The following SND1 variants were observed in gnomAD, a reference collection of about 807,000 sequenced individuals.
SND1 encodes staphylococcal nuclease and tudor domain containing 1.
A neutral mutation model predicts 121.7 loss-of-function variants in SND1; 38 were observed. The ratio of observed to expected loss-of-function variants is 0.31; its 90% CI spans 0.24 to 0.41. The LOEUF is 0.41. SND1 is among the 10% of genes least tolerant of loss of function. The probability of loss-of-function intolerance (pLI) is 1.00; values close to 1 mark genes in which losing one functional copy is unlikely to be tolerated. For missense variants in SND1, 868 were observed against 1,184.6 expected, an observed-to-expected ratio of 0.73 and a Z score of 3.92; for synonymous variants, 401 against 447.4, an observed-to-expected ratio of 0.90 and a Z score of 1.31.
chr7:127,934,697 C>T (rs982765732), intron 15 of SND1, among the ~76,000 whole-genome samples: 4 of 152,026 alleles, frequency 2.6e-5, no homozygotes, highest in African/African-American at 9.7e-5. Flanking sequence ...CAATTAAGAG[C>T]AACACAAAAG....
Position 127,985,446 on chromosome 7 carries a change from C to T in SND1, c.1670-5501C>T, listed in dbSNP as rs193261844. On this transcript the variant is annotated intron_variant, in intron 15 of 23. Transcript: ENST00000354725. ...CCAATTTTTGTATTTTTAGTAGAGGCGGGGTTTCACCATCTTGGCCAGGCT... is the reference window on the plus strand; with the variant it reads ...CCAATTTTTGTATTTTTAGTAGAGGTGGGGTTTCACCATCTTGGCCAGGCT... Among the ~76,000 whole-genome samples, 716 of 152,206 alleles carry T rather than the reference C, an allele frequency of 4.7e-3. 7 individuals are homozygous for T. The highest frequency in any genetic ancestry group is 0.016 in the African/African-American group (669 of 41,554).
At chr7:127,918,931 C>A (rs1800643104) in intron 14 of SND1, among the ~76,000 whole-genome samples, 1 of 152,094 alleles carries the variant, frequency 6.6e-6, no homozygotes, top group East Asian at 1.9e-4. Flanking sequence ...AAAATATTGA[C>A]CACTTTCTGT....
intron 11 of SND1, among the ~76,000 whole-genome samples, chr7:127,826,776 G>C (rs555926902): frequency 6.6e-6 from 1 of 151,896 alleles, no homozygotes; most frequent in East Asian, 1.9e-4. Context: ...AATTTTTGAC[G>C]TGCTTTTATA....
intron 16 of SND1, among the ~76,000 whole-genome samples, chr7:128,053,825 G>A (rs1164110767): frequency 6.6e-6 from 1 of 152,180 alleles, no homozygotes; most frequent in African/African-American, 2.4e-5. Flanking sequence ...GCCAGAATCA[G>A]CCTCCTGCTT....
At chr7:128,026,450 T>C (rs540290491) in intron 16 of SND1, among the ~76,000 whole-genome samples, 21 of 151,988 alleles carry the variant, frequency 1.4e-4, no homozygotes, top group Non-Finnish European at 2.5e-4. Context: ...TGCCAAAGAG[T>C]TCACACCCAC....
At chr7:127,662,049 G>A (rs56101548) in intron 1 of SND1, among the ~76,000 whole-genome samples, 2,261 of 152,160 alleles carry the variant, frequency 0.015, 30 homozygotes, top group South Asian at 0.048. Context: ...CTGGGAGGTG[G>A]AGGTTGCAGT....
chr7:127,903,274 T>G (rs1800272698), intron 13 of SND1, among the ~76,000 whole-genome samples: 1 of 152,096 alleles, frequency 6.6e-6, no homozygotes, highest in Non-Finnish European at 1.5e-5. Flanking sequence ...TCTGCCCGCC[T>G]TGGCTTCCCA....
intron 11 of SND1, among the ~76,000 whole-genome samples, chr7:127,816,685 A>G (rs1247409569): frequency 6.9e-6 from 1 of 144,526 alleles, no homozygotes; most frequent in Non-Finnish European, 1.5e-5. Context: ...TTTTTTTGTA[A>G]CAGTGTCTCG....
chr7:127,813,090 G>A (rs139412464), intron 11 of SND1, among the ~76,000 whole-genome samples: 6 of 152,278 alleles, frequency 3.9e-5, no homozygotes, highest in East Asian at 3.9e-4. Flanking sequence ...CCAGCTGTTC[G>A]GTGTGGCTGT....
intron 15 of SND1, among the ~76,000 whole-genome samples, chr7:127,981,662 T>C (rs1214439197): frequency 6.6e-6 from 1 of 152,232 alleles, no homozygotes; most frequent in Non-Finnish European, 1.5e-5. Context: ...TTTTTTCCCA[T>C]TTGGGAGAGA....
intron 14 of SND1, among the ~76,000 whole-genome samples, chr7:127,919,925 A>G (rs1244285966): frequency 2.0e-5 from 3 of 152,204 alleles, no homozygotes; most frequent in African/African-American, 7.2e-5. Flanking sequence ...AAATAATTGG[A>G]AGGTATACCT....
intron 10 of SND1, among the ~76,000 whole-genome samples, chr7:127,753,946 C>A (rs1797148666): frequency 6.6e-6 from 1 of 152,150 alleles, no homozygotes. Flanking sequence ...GGATCCCTTC[C>A]CAAAAATTAG....
intron 16 of SND1, among the ~76,000 whole-genome samples, chr7:128,000,402 CTG>C (rs1001079238): frequency 6.9e-6 from 1 of 144,510 alleles, no homozygotes; most frequent in African/African-American, 2.6e-5. Flanking sequence ...GGGTCTCACT[CTG>C]TCGCCCAGGC....
chr7:127,657,205 A>C (rs907880800), intron 1 of SND1, among the ~76,000 whole-genome samples: 4 of 152,260 alleles, frequency 2.6e-5, no homozygotes, highest in African/African-American at 7.2e-5. Flanking sequence ...AAAGTAGATC[A>C]AATTTCTATC....
intron 16 of SND1, chr7:128,030,347 G>C (rs140548706): frequency 6.2e-7 from 1 of 1,614,094 alleles, no homozygotes; most frequent in Non-Finnish European, 8.5e-7. Context: ...CCAGGTGGTG[G>C]AGGTGGCGGA....
chr7:128,048,430 T>C (rs1792990355), intron 16 of SND1, among the ~76,000 whole-genome samples: 1 of 152,218 alleles, frequency 6.6e-6, no homozygotes, highest in African/African-American at 2.4e-5. Flanking sequence ...GTGAGTGTGC[T>C]GTGATGCCAG....
At chr7:128,064,684 A>G (rs533879658) in intron 16 of SND1, among the ~76,000 whole-genome samples, 1 of 152,288 alleles carries the variant, frequency 6.6e-6, no homozygotes, top group East Asian at 1.9e-4. Context: ...TAATTCAGAG[A>G]GCAGTGGGAT....
In SND1 at chr7:127,790,438, C is replaced by T. The variant is rs117905506; in HGVS notation, c.1153-17046C>T. Among the ~76,000 whole-genome samples the T allele has an allele frequency of 2.8e-3, 420 of 152,166 alleles. 3 individuals are homozygous for T. The highest frequency in any genetic ancestry group is 0.01 in the Middle Eastern group (3 of 294). ...GTTAAAGAGGAATCATAATATTGTT[C>T]GACGCCCTGTGATAGCATCCATTGG... On this transcript the variant is annotated intron_variant, in intron 10 of 23. Transcript: ENST00000354725.
intron 9 of SND1, among the ~76,000 whole-genome samples, chr7:127,713,258 C>T (rs1056268626): frequency 6.6e-6 from 1 of 152,222 alleles, no homozygotes; most frequent in African/African-American, 2.4e-5. Flanking sequence ...CTGGATGGCC[C>T]TTGGGCCATA....
Sources: gnomAD v4.1 joint callset for allele counts (sites outside exome capture counted in the v4.1 genomes callset) on GRCh38, gnomAD v4.1.1 for gene constraint, MANE v1.5 for transcripts, NCBI Gene and HGNC (gene_info 2026-07-23, HGNC 2026-07-21) for gene names.